ATXN7L1: variants seen among roughly 807,000 people sequenced by gnomAD.
The protein encoded by ATXN7L1 is ataxin-7-like protein 1.
A neutral mutation model predicts 70.8 loss-of-function variants in ATXN7L1; 15 were observed. The ratio of observed to expected loss-of-function variants is 0.21; its 90% CI spans 0.14 to 0.33. ATXN7L1 has a LOEUF of 0.33. Ranked by LOEUF, ATXN7L1 falls within the 10% of genes least tolerant of loss-of-function variation. The pLI, the probability that ATXN7L1 is intolerant of heterozygous loss-of-function variation, is 1.00. For missense variants in ATXN7L1, 975 were observed against 1,097.1 expected, an observed-to-expected ratio of 0.89 and a Z score of 1.57; for synonymous variants, 440 against 445.1, an observed-to-expected ratio of 0.99 and a Z score of 0.14.
chr7:105,607,825 T>C lies in ATXN7L1; in HGVS notation c.*27A>G. ...CGGATGGGATTAGGTGGCCTGGAAT[T>C]GATGTGGAAGTGGCTTCATAGTCTT... is the stretch of plus-strand genomic sequence containing the variant. On this transcript the variant is annotated 3_prime_UTR_variant, in exon 12 of 12. Transcript: ENST00000419735. The C allele has an allele frequency of 6.5e-7, 1 of 1,549,030 alleles. No homozygotes were observed. The highest frequency in any genetic ancestry group is 2.0e-5 in the Admixed American group (1 of 50,998).
chr7:105,772,405 C>A (rs1318361051), intron 3 of ATXN7L1, among the ~76,000 whole-genome samples: 1 of 152,034 alleles, frequency 6.6e-6, no homozygotes, highest in Non-Finnish European at 1.5e-5. Context: ...CAGCGATATA[C>A]TGCTTTACAA....
rs1484489565 is a variant in ATXN7L1, at chr7:105,642,966, A to C, written c.734T>G (p.Leu245Arg). ...TGAAGGTGGCACTGACTTGGACATC[A>C]GGACAGGCTTAATTAAAGGAGGGGT... The part of the protein sequence containing the change: ...VSTPPLIKPV[L>R]MSKSVPPSPE... Residue 245 changes from leucine to arginine, a missense_variant, in exon 5 of 12, where the codon CTG (leucine) becomes CGG (arginine). Physicochemically the swap from Leu to Arg is moderately radical, Grantham distance 102. Around this residue, in one of 5 missense-constraint regions of ATXN7L1, gnomAD observed 192 missense variants for 215.5 expected, o/e 0.89. Coordinates refer to ENST00000419735, the MANE Select transcript of ATXN7L1 (RefSeq NM_020725.2). 4 of 1,551,796 alleles carry C rather than the reference A, an allele frequency of 2.6e-6. No individual in the cohort carries two copies. In the Admixed American group the frequency reaches 5.9e-5, roughly 23 times the overall value.
intron 2 of ATXN7L1, among the ~76,000 whole-genome samples, chr7:105,805,887 C>T (rs1191778830): frequency 6.6e-6 from 1 of 151,950 alleles, no homozygotes; most frequent in Non-Finnish European, 1.5e-5. Context: ...CAGAGAGGTG[C>T]GAGGCAGAGT....
intron 2 of ATXN7L1, among the ~76,000 whole-genome samples, chr7:105,808,766 G>A (rs1807986894): frequency 6.6e-6 from 1 of 152,206 alleles, no homozygotes; most frequent in African/African-American, 2.4e-5. Context: ...CAGATCAAGT[G>A]CCCCTTCCAG....
intron 3 of ATXN7L1, among the ~76,000 whole-genome samples, chr7:105,745,405 T>G (rs908498804): frequency 6.6e-6 from 1 of 152,224 alleles, no homozygotes; most frequent in South Asian, 2.1e-4. Context: ...CCTTGTAATA[T>G]ATTTTTTCAT....
At chr7:105,666,113 T>C (rs1473058406) in intron 3 of ATXN7L1, among the ~76,000 whole-genome samples, 1 of 152,208 alleles carries the variant, frequency 6.6e-6, no homozygotes, top group Admixed American at 6.5e-5. Flanking sequence ...GCACCCGCTA[T>C]GGGGTTCTTA....
chr7:105,872,851 A>G (rs1818469560), intron 2 of ATXN7L1, among the ~76,000 whole-genome samples: 1 of 152,132 alleles, frequency 6.6e-6, no homozygotes, highest in East Asian at 1.9e-4. Context: ...AAAAAAAAAA[A>G]AACATCAAAA....
intron 2 of ATXN7L1, among the ~76,000 whole-genome samples, chr7:105,807,082 A>G (rs1411507240): frequency 1.3e-5 from 2 of 152,126 alleles, no homozygotes; most frequent in Admixed American, 1.3e-4. Flanking sequence ...CTGTGCATGG[A>G]TGACCACCTG....
chr7:105,702,421 G>A (rs1280147184), intron 3 of ATXN7L1, among the ~76,000 whole-genome samples: 3 of 152,114 alleles, frequency 2.0e-5, no homozygotes, highest in Admixed American at 1.3e-4. Context: ...AGCTTTGAAA[G>A]TAAAAGGGGG....
chr7:105,697,941 G>A (rs185269141), intron 3 of ATXN7L1, among the ~76,000 whole-genome samples: 2 of 152,316 alleles, frequency 1.3e-5, no homozygotes, highest in East Asian at 1.9e-4. Context: ...GACTCCATAT[G>A]TGGAAGAGGA....
chr7:105,832,960 C>T (rs1811840767), intron 2 of ATXN7L1, among the ~76,000 whole-genome samples: 1 of 152,170 alleles, frequency 6.6e-6, no homozygotes, highest in South Asian at 2.1e-4. Flanking sequence ...CGTGCTTCTA[C>T]CTTTACCCCA....
intron 4 of ATXN7L1, among the ~76,000 whole-genome samples, chr7:105,644,859 G>A (rs532016792): frequency 2.0e-5 from 3 of 152,354 alleles, no homozygotes; most frequent in South Asian, 2.1e-4. Context: ...ATAGCCAAAG[G>A]TGGAGGCAGC....
At chr7:105,761,805 T>G (rs1800593181) in intron 3 of ATXN7L1, among the ~76,000 whole-genome samples, 1 of 152,242 alleles carries the variant, frequency 6.6e-6, no homozygotes, top group African/African-American at 2.4e-5. Context: ...TATTCATGCC[T>G]TGATAGAATC....
chr7:105,868,777 G>A (rs978483149), intron 2 of ATXN7L1, among the ~76,000 whole-genome samples: 1 of 152,182 alleles, frequency 6.6e-6, no homozygotes, highest in Admixed American at 6.5e-5. Flanking sequence ...GAATGTGTAT[G>A]TGTGTGTAAT....
intron 3 of ATXN7L1, among the ~76,000 whole-genome samples, chr7:105,784,399 C>A (rs1803964915): frequency 6.6e-6 from 1 of 151,836 alleles, no homozygotes; most frequent in South Asian, 2.1e-4. Context: ...TTTCCTTTAA[C>A]CACAAATTTC....
intron 2 of ATXN7L1, among the ~76,000 whole-genome samples, chr7:105,872,156 C>T (rs564084704): frequency 6.6e-6 from 1 of 152,220 alleles, no homozygotes; most frequent in East Asian, 1.9e-4. Flanking sequence ...CCACGCCCGG[C>T]TAATTTTTTG....
chr7:105,718,435 G>A (rs1352897714), intron 3 of ATXN7L1, among the ~76,000 whole-genome samples: 1 of 152,190 alleles, frequency 6.6e-6, no homozygotes, highest in African/African-American at 2.4e-5. Context: ...AGGATGGGCA[G>A]GATTAAGGCG....
At chr7:105,658,881 C>T (rs540587300) in intron 4 of ATXN7L1, among the ~76,000 whole-genome samples, 7 of 152,228 alleles carry the variant, frequency 4.6e-5, no homozygotes, top group African/African-American at 1.4e-4. Context: ...TGGTGGCTCA[C>T]GCCTGTAATC....
chr7:105,735,658 C>T (rs1797294755), intron 3 of ATXN7L1, among the ~76,000 whole-genome samples: 1 of 152,134 alleles, frequency 6.6e-6, no homozygotes, highest in African/African-American at 2.4e-5. Context: ...CTATTCCCAC[C>T]CCCTAAATGT....
Sources: allele counts gnomAD v4.1 joint callset (sites outside exome capture counted in the v4.1 genomes callset), GRCh38; gene constraint gnomAD v4.1.1; regional missense constraint gnomAD v4.1.1; transcripts MANE v1.5; gene names NCBI Gene and HGNC (gene_info 2026-07-23, HGNC 2026-07-21).